MCTP2: variants seen among roughly 807,000 people sequenced by gnomAD.
The protein encoded by MCTP2 is multiple C2 and transmembrane domain containing 2, also known as multiple C2 and transmembrane domain-containing protein 2.
A neutral mutation model predicts 111.6 loss-of-function variants in MCTP2; 132 were observed. That is an observed-to-expected ratio of 1.18 (90% CI 1.03 to 1.37). The LOEUF (loss-of-function observed/expected upper bound fraction) is 1.37, where lower values mean the gene tolerates loss of function less well. Among genes scored for constraint, MCTP2 ranks in the 40% most tolerant of loss-of-function variants. The pLI is 0.00. For synonymous variants in MCTP2, 395 were observed against 387.7 expected, an observed-to-expected ratio of 1.02 and a Z score of -0.22; for missense variants, 1,183 against 1,067.9, an observed-to-expected ratio of 1.11 and a Z score of -1.50.
At chr15:94,285,981 T>C (rs777958905) in intron 1 of MCTP2, among the ~76,000 whole-genome samples, 3 of 152,200 alleles carry the variant, frequency 2.0e-5, no homozygotes, top group Admixed American at 6.5e-5. Context: ...TTAAATAGTA[T>C]GTCTAGTATA....
At chr15:94,352,668 C>T (rs542633256) in intron 8 of MCTP2, among the ~76,000 whole-genome samples, 17 of 152,228 alleles carry the variant, frequency 1.1e-4, no homozygotes, top group Admixed American at 2.6e-4. Flanking sequence ...TTCCAGGCTG[C>T]ATTAAGATGA....
At chr15:94,417,236 T>C (rs1444781785) in intron 17 of MCTP2, among the ~76,000 whole-genome samples, 1 of 152,176 alleles carries the variant, frequency 6.6e-6, no homozygotes, top group Non-Finnish European at 1.5e-5. Context: ...CACTGTGTGC[T>C]TAACAGGATC....
chr15:94,359,444 T>G (rs746550956), intron 10 of MCTP2, among the ~76,000 whole-genome samples: 2 of 152,166 alleles, frequency 1.3e-5, no homozygotes, highest in Non-Finnish European at 2.9e-5. Context: ...GATCTTAAAT[T>G]TAAACACAGA....
rs1200861906 is a variant in MCTP2, at chr15:94,479,114, C to T, written c.*80C>T. 5.1e-6 allele frequency: 7 copies of T among 1,375,464 alleles called. No individual in the cohort carries two copies. The Admixed American group carries it at 1.0e-4, about 20-fold the overall frequency. 85.2% of individuals were successfully genotyped at this position (1,375,464 alleles called of 1,614,324 possible). On this transcript the variant is annotated 3_prime_UTR_variant, in exon 23 of 23. Transcript: ENST00000357742. ...CAATGTTATGGCTGTTTCAGTGGTA[C>T]CCAAGGTGTCCTTCTGAAATGCATG...
chr15:94,302,757 C>A (rs144554998), intron 2 of MCTP2, among the ~76,000 whole-genome samples: 238 of 152,304 alleles, frequency 1.6e-3, no homozygotes, highest in Non-Finnish European at 2.8e-3. Flanking sequence ...ATGGTAGTCT[C>A]TTACTTTCCC....
In MCTP2 at chr15:94,422,894, C is replaced by T. The variant is rs535154855; in HGVS notation, c.2086-17282C>T. Among the ~76,000 whole-genome samples, 4 of 152,244 alleles carry T rather than the reference C, an allele frequency of 2.6e-5. No homozygotes were observed. In the South Asian group the frequency reaches 6.2e-4, roughly 24 times the overall value. ...TTCTTCTGTAAAGATGGGGTTTCCA[C>T]TATGTTGCCCAGGCTGGCCTCTAAC... On this transcript the variant is annotated intron_variant, in intron 17 of 22. Transcript: ENST00000357742.
At chr15:94,254,378 C>T (rs747814900) in intron 1 of MCTP2, among the ~76,000 whole-genome samples, 4 of 152,104 alleles carry the variant, frequency 2.6e-5, no homozygotes, top group Admixed American at 1.3e-4. Flanking sequence ...GAACCTGGTT[C>T]GAATCCTGGC....
At chr15:94,294,316 T>C (rs2075162950) in intron 1 of MCTP2, among the ~76,000 whole-genome samples, 1 of 152,200 alleles carries the variant, frequency 6.6e-6, no homozygotes, top group Non-Finnish European at 1.5e-5. Flanking sequence ...TATAGAACTG[T>C]GCACCAAAAG....
intron 20 of MCTP2, among the ~76,000 whole-genome samples, chr15:94,464,089 G>T (rs2085375083): frequency 6.6e-6 from 1 of 150,712 alleles, no homozygotes; most frequent in Non-Finnish European, 1.5e-5. Context: ...ACAAGGTCAG[G>T]TAGGTTCTCT....
Position 94,376,264 on chromosome 15 carries a change from A to G in MCTP2, c.1582+6084A>G, listed in dbSNP as rs188073074. Among the ~76,000 whole-genome samples, 16 of 152,322 alleles carry G rather than the reference A, an allele frequency of 1.1e-4. No individual in the cohort carries two copies. In the East Asian group the frequency reaches 2.7e-3, roughly 26 times the overall value. ...AATATTCCATTCCTTGGGTAAGTGC[A>G]TGAGCCTTTTCCATGGGCCCTGGAT... On this transcript the variant is annotated intron_variant, in intron 12 of 22. Coordinates refer to ENST00000357742, the MANE Select transcript of MCTP2 (RefSeq NM_001385001.1).
At chr15:94,467,042 G>C (rs2152536603) in intron 20 of MCTP2, among the ~76,000 whole-genome samples, 1 of 152,210 alleles carries the variant, frequency 6.6e-6, no homozygotes. Flanking sequence ...ATTAAATAGT[G>C]ACTATATGCC....
At chr15:94,476,222 A>G (rs918218420) in intron 21 of MCTP2, among the ~76,000 whole-genome samples, 4 of 152,206 alleles carry the variant, frequency 2.6e-5, no homozygotes, top group Non-Finnish European at 5.9e-5. Context: ...CGTTTGGTCC[A>G]GAGCCTCCAA....
intron 14 of MCTP2, 117 bp downstream of exon 14, chr15:94,385,642 C>G: frequency 1.4e-6 from 1 of 695,580 alleles, no homozygotes. Flanking sequence ...CTAACTATAG[C>G]AGGAAACGAC....
intron 3 of MCTP2, 78 bp downstream of exon 3, chr15:94,314,422 G>A: frequency 9.4e-7 from 1 of 1,058,928 alleles, no homozygotes; most frequent in Non-Finnish European, 1.3e-6. Flanking sequence ...TATTTTTTTT[G>A]CCTCTTTTAT....
chr15:94,314,171 T>G, intron 2 of MCTP2, 111 bp from the exon 3 acceptor site: 2 of 706,376 alleles, frequency 2.8e-6, no homozygotes, highest in Non-Finnish European at 4.9e-6. Context: ...TCACTGAAGC[T>G]GCATATGCAA....
At chr15:94,478,851 AT>A in intron 22 of MCTP2, 114 bp from the exon 23 acceptor site, 1 of 790,320 alleles carries the variant, frequency 1.3e-6, no homozygotes, top group Non-Finnish European at 2.2e-6. Flanking sequence ...AAAATGATTC[AT>A]TACCTTTGAA....
At chr15:94,447,554 T>G (rs2084192638) in intron 19 of MCTP2, among the ~76,000 whole-genome samples, 1 of 152,118 alleles carries the variant, frequency 6.6e-6, no homozygotes, top group African/African-American at 2.4e-5. Flanking sequence ...GCCACCACAC[T>G]GCATTAGAGA....
intron 7 of MCTP2, chr15:94,343,181 A>T (rs1055505754): frequency 6.6e-6 from 1 of 152,010 alleles, no homozygotes; most frequent in Non-Finnish European, 1.5e-5. Context: ...ATTCTGGGCC[A>T]TGTGTGGTTA....
intron 1 of MCTP2, among the ~76,000 whole-genome samples, chr15:94,290,889 CTTCAAAA>C (rs1472537592): frequency 6.6e-6 from 1 of 152,146 alleles, no homozygotes; most frequent in African/African-American, 2.4e-5. Flanking sequence ...AATAACAGAG[CTTCAAAA>C]TACAGAAGCA....
Sources: gnomAD v4.1 joint callset for allele counts (sites outside exome capture counted in the v4.1 genomes callset) on GRCh38, gnomAD v4.1.1 for gene constraint, MANE v1.5 for transcripts, NCBI Gene and HGNC (gene_info 2026-07-23, HGNC 2026-07-21) for gene names.